The following TRAPPC9 variants were observed in gnomAD, a reference collection of about 807,000 sequenced individuals.
TRAPPC9 encodes the protein IKK2 binding protein.
TRAPPC9 carries 83 observed loss-of-function variants against 124.0 expected under a neutral mutation model. The observed-to-expected ratio is 0.67, with a 90% CI of 0.56 to 0.80. TRAPPC9 has a LOEUF of 0.80. TRAPPC9 is among the 30% of genes least tolerant of loss of function. The pLI is 0.00. For synonymous variants in TRAPPC9, 638 were observed against 617.5 expected (o/e 1.03, Z -0.49); for missense variants, 1,302 against 1,508.3 (o/e 0.86, Z 2.27).
At chr8:139,925,545 C>T (rs1467503579) in intron 19 of TRAPPC9, among the ~76,000 whole-genome samples, 3 of 151,972 alleles carry the variant, frequency 2.0e-5, no homozygotes, top group African/African-American at 4.8e-5. Flanking sequence ...GCCAGGAGTT[C>T]GAGACCAGCC....
intron 19 of TRAPPC9, among the ~76,000 whole-genome samples, chr8:139,938,129 C>T (rs1833654653): frequency 6.6e-6 from 1 of 152,220 alleles, no homozygotes; most frequent in East Asian, 1.9e-4. Flanking sequence ...TACATTCCTG[C>T]ATTGAAACAA....
In TRAPPC9 at chr8:140,233,298, G is replaced by A. The variant is rs536251307; in HGVS notation, c.2432-11715C>T. ...CAGCTCACTGCAACCTCTGCCCTCCGAGTTCAAGCGATTCTCCTGCCTCAG... is the reference window on the plus strand; with the variant it reads ...CAGCTCACTGCAACCTCTGCCCTCCAAGTTCAAGCGATTCTCCTGCCTCAG... On this transcript the variant is annotated intron_variant, in intron 16 of 22. Transcript: ENST00000438773. 2.1e-4 allele frequency among the ~76,000 whole-genome samples: 32 copies of A among 151,942 alleles called. No homozygotes were observed. In the South Asian group the frequency reaches 6.1e-3, roughly 29 times the overall value.
chr8:140,318,278 T>G (rs1486807487), intron 9 of TRAPPC9, among the ~76,000 whole-genome samples: 3 of 152,244 alleles, frequency 2.0e-5, no homozygotes, highest in African/African-American at 7.2e-5. Context: ...TTGCATGTAT[T>G]TATAGGATAC....
At chr8:140,408,289 G>A (rs2069569373) in intron 5 of TRAPPC9, among the ~76,000 whole-genome samples, 1 of 152,048 alleles carries the variant, frequency 6.6e-6, no homozygotes, top group African/African-American at 2.4e-5. Flanking sequence ...ACGGGGAGGG[G>A]GGAAGGTTGA....
intron 21 of TRAPPC9, among the ~76,000 whole-genome samples, chr8:139,863,218 G>A (rs778885524): frequency 6.6e-5 from 10 of 152,240 alleles, no homozygotes; most frequent in Non-Finnish European, 1.3e-4. Flanking sequence ...CTAGCATGGT[G>A]CCTGATGCAC....
chr8:140,163,177 C>T (rs1317461718), intron 17 of TRAPPC9, among the ~76,000 whole-genome samples: 1 of 152,230 alleles, frequency 6.6e-6, no homozygotes, highest in South Asian at 2.1e-4. Context: ...CAGCCCTGTG[C>T]AGAGCTGCTA....
chr8:140,149,853 A>T (rs13252679), intron 17 of TRAPPC9, among the ~76,000 whole-genome samples: 11,407 of 152,124 alleles, frequency 0.075, 883 homozygotes, highest in African/African-American at 0.2. Context: ...TGGAGCCTAC[A>T]TGAGGTGGCT....
rs138928835 is a variant in TRAPPC9 at position 140,023,983 on chromosome 8, C to T, written c.2653G>A (p.Glu885Lys). 2.6e-4 allele frequency: 412 copies of T among 1,613,942 alleles called. No homozygotes were observed. Among genetic ancestry groups the T allele is most frequent in the Non-Finnish European group, 3.0e-4 (358 of 1,180,010 alleles). ...ACTCGGGTGAAAAATACAGACGGCT[C>T]GACTTCTACATGCAGCCCCAGGGAG... ...NLSLGLHVEV[E>K]PSVFFTRVST... The change falls in exon 18 of 23, where the codon GAG becomes AAG. Residue 885 changes from glutamate to lysine, a missense_variant. Physicochemically the swap from Glu to Lys is moderately conservative, Grantham distance 56 (BLOSUM62 1). Transcript: ENST00000438773.
At chr8:140,275,283 G>C (rs1309124900) in intron 15 of TRAPPC9, among the ~76,000 whole-genome samples, 1 of 152,198 alleles carries the variant, frequency 6.6e-6, no homozygotes, top group African/African-American at 2.4e-5. Flanking sequence ...TGATGGGTTG[G>C]ATCCCAAACA....
intron 17 of TRAPPC9, among the ~76,000 whole-genome samples, chr8:140,204,587 C>T (rs902562502): frequency 2.0e-5 from 3 of 152,054 alleles, no homozygotes; most frequent in African/African-American, 7.2e-5. Context: ...CAAACCTGCA[C>T]ATTGTGCACA....
At chr8:140,222,421 A>G (rs2063356268) in intron 16 of TRAPPC9, among the ~76,000 whole-genome samples, 1 of 152,142 alleles carries the variant, frequency 6.6e-6, no homozygotes, top group Non-Finnish European at 1.5e-5. Flanking sequence ...TAGCTCTGAG[A>G]GTATGTCCAG....
chr8:139,773,514 A>G (rs1435031801), intron 21 of TRAPPC9, among the ~76,000 whole-genome samples: 2 of 152,094 alleles, frequency 1.3e-5, no homozygotes, highest in African/African-American at 4.8e-5. Flanking sequence ...CGGTGGACGG[A>G]CCTCAGAGGT....
At chr8:140,272,130 C>CAATGATGATGGTGATGATGGT (rs1450234909) in intron 15 of TRAPPC9, among the ~76,000 whole-genome samples, 1 of 100,382 alleles carries the variant, frequency 1.0e-5, no homozygotes, top group South Asian at 3.3e-4. Flanking sequence ...GTGATGGTGG[C>CAATGATGATGGTGATGATGGT]GATGGTGATG....
At chr8:140,326,038 AATATACAAATGGAAATCTG>A (rs1435820242) in intron 9 of TRAPPC9, among the ~76,000 whole-genome samples, 1 of 152,176 alleles carries the variant, frequency 6.6e-6, no homozygotes, top group East Asian at 1.9e-4. Context: ...CACAAATGGA[AATATACAAATGGAAATCTG>A]ATATACAAAT....
At chr8:140,436,724 C>T (rs1006130879) in intron 3 of TRAPPC9, among the ~76,000 whole-genome samples, 1 of 152,192 alleles carries the variant, frequency 6.6e-6, no homozygotes, top group African/African-American at 2.4e-5. Flanking sequence ...GCACCTGCTG[C>T]ACATGCCCTA....
rs898064983 is a variant in TRAPPC9, at chr8:139,750,340, C to G, written c.3056-18138G>C. 8.5e-5 allele frequency among the ~76,000 whole-genome samples: 13 copies of G among 152,322 alleles called. No individual in the cohort carries two copies. The East Asian group carries it at 2.5e-3, about 29-fold the overall frequency. On this transcript the variant is annotated intron_variant, in intron 21 of 22. Coordinates refer to ENST00000438773, the MANE Select transcript of TRAPPC9 (RefSeq NM_001160372.4). Reference sequence around the variant, plus strand: ...ACCAGACCCTGGAGGCAAACCACGCCTCCCCAGGCCTCAGCAGGCTCAGGT... The same window carrying G: ...ACCAGACCCTGGAGGCAAACCACGCGTCCCCAGGCCTCAGCAGGCTCAGGT...
At chr8:139,974,192 G>A (rs1836287310) in intron 19 of TRAPPC9, among the ~76,000 whole-genome samples, 1 of 152,196 alleles carries the variant, frequency 6.6e-6, no homozygotes, top group Non-Finnish European at 1.5e-5. Flanking sequence ...TGAATTCACA[G>A]CTCGCCCAGC....
intron 16 of TRAPPC9, among the ~76,000 whole-genome samples, chr8:140,229,911 C>T (rs931111553): frequency 2.6e-5 from 4 of 152,168 alleles, no homozygotes; most frequent in Non-Finnish European, 5.9e-5. Context: ...ACGTACAAAG[C>T]AACATCACAT....
chr8:140,175,455 G>A (rs1490881533), intron 17 of TRAPPC9, among the ~76,000 whole-genome samples: 1 of 151,970 alleles, frequency 6.6e-6, no homozygotes, highest in Admixed American at 6.6e-5. Flanking sequence ...AAAAAGAGTT[G>A]GTTCCAGCAT....
Sources: allele counts gnomAD v4.1 joint callset (sites outside exome capture counted in the v4.1 genomes callset), GRCh38; gene constraint gnomAD v4.1.1; transcripts MANE v1.5; gene names NCBI Gene and HGNC (gene_info 2026-07-23, HGNC 2026-07-21).